SYT1: variants seen among roughly 807,000 people sequenced by gnomAD.
SYT1 encodes the protein synaptotagmin-1.
In SYT1, 8 loss-of-function variants were observed where a neutral mutation model predicts 44.8. The observed-to-expected ratio is 0.18, with a 90% CI of 0.10 to 0.32. The LOEUF (loss-of-function observed/expected upper bound fraction) is 0.32. Among genes scored for constraint, SYT1 ranks in the 10% least tolerant of loss-of-function variants. The probability of loss-of-function intolerance (pLI) is 1.00; values close to 1 mark genes in which losing one functional copy is unlikely to be tolerated. For synonymous variants in SYT1, 154 were observed against 188.8 expected, an observed-to-expected ratio of 0.82 and a Z score of 1.51; for missense variants, 286 against 509.3, an observed-to-expected ratio of 0.56 and a Z score of 4.22.
At chr12:79,050,740 A>C (rs895844373) in intron 3 of SYT1, among the ~76,000 whole-genome samples, 2 of 152,110 alleles carry the variant, frequency 1.3e-5, no homozygotes, top group Non-Finnish European at 2.9e-5. Context: ...GATTTTAACC[A>C]ATAAAACATC....
intron 9 of SYT1, among the ~76,000 whole-genome samples, chr12:79,428,070 A>C (rs1057313947): frequency 2.6e-5 from 4 of 152,144 alleles, no homozygotes; most frequent in Non-Finnish European, 4.4e-5. Context: ...TGGAGTGATA[A>C]CTTTTAGTCT....
At chr12:79,404,841 G>A (rs943883957) in intron 9 of SYT1, among the ~76,000 whole-genome samples, 13 of 152,156 alleles carry the variant, frequency 8.5e-5, no homozygotes, top group African/African-American at 3.1e-4. Flanking sequence ...TTGTCAAGGA[G>A]CATATTTGAC....
intron 3 of SYT1, among the ~76,000 whole-genome samples, chr12:79,118,494 ACTGT>A (rs1879421177): frequency 6.6e-6 from 1 of 152,204 alleles, no homozygotes; most frequent in African/African-American, 2.4e-5. Context: ...CTAATGGTAG[ACTGT>A]CTTTTTCTGC....
chr12:79,053,940 A>G (rs999879547), intron 3 of SYT1, among the ~76,000 whole-genome samples: 2 of 152,100 alleles, frequency 1.3e-5, no homozygotes, highest in Non-Finnish European at 2.9e-5. Flanking sequence ...GTTCCCACAC[A>G]TAAGCCTAAG....
intron 3 of SYT1, among the ~76,000 whole-genome samples, chr12:79,154,658 G>T (rs117658432): frequency 0.012 from 1,885 of 152,232 alleles, 25 homozygotes; most frequent in Middle Eastern, 0.065. Flanking sequence ...TGGTGTTGGG[G>T]CATGTGATAA....
chr12:78,968,104 T>C (rs1423171602), intron 1 of SYT1, among the ~76,000 whole-genome samples: 2 of 152,146 alleles, frequency 1.3e-5, no homozygotes, highest in Admixed American at 1.3e-4. Context: ...TATGAAAATT[T>C]AATTGTAAAT....
chr12:79,077,300 T>TA (rs1876725344), intron 3 of SYT1, among the ~76,000 whole-genome samples: 1 of 152,182 alleles, frequency 6.6e-6, no homozygotes, highest in African/African-American at 2.4e-5. Flanking sequence ...ATATTAAACA[T>TA]ACTGCTTATT....
intron 1 of SYT1, among the ~76,000 whole-genome samples, chr12:78,920,020 G>T (rs1224697403): frequency 1.5e-5 from 1 of 66,638 alleles, no homozygotes; most frequent in Non-Finnish European, 3.0e-5. Flanking sequence ...GTATCATTGG[G>T]CTATTTTTTT....
chr12:79,091,943 C>A (rs1877806483), intron 3 of SYT1, among the ~76,000 whole-genome samples: 1 of 151,966 alleles, frequency 6.6e-6, no homozygotes, highest in Non-Finnish European at 1.5e-5. Flanking sequence ...CATATAAGCT[C>A]ATTTTCAATT....
chr12:79,384,987 A>ATTTTTT (rs3067387), intron 9 of SYT1, among the ~76,000 whole-genome samples: 5 of 129,920 alleles, frequency 3.8e-5, no homozygotes, highest in Non-Finnish European at 4.8e-5. Flanking sequence ...GGACCACTGG[A>ATTTTTT]TTTTTTTTTT....
At chr12:79,219,467 T>C (rs535976719) in intron 4 of SYT1, among the ~76,000 whole-genome samples, 7 of 152,106 alleles carry the variant, frequency 4.6e-5, no homozygotes, top group African/African-American at 1.2e-4. Flanking sequence ...TTATTCTAGA[T>C]TCATAATTTT....
chr12:78,869,232 T>C (rs1439980835), intron 1 of SYT1, among the ~76,000 whole-genome samples: 1 of 151,968 alleles, frequency 6.6e-6, no homozygotes, highest in Admixed American at 6.6e-5. Context: ...ATAACCAGCA[T>C]TTTTCTTTCA....
chr12:79,131,159 GT>G (rs1868792171), intron 3 of SYT1, among the ~76,000 whole-genome samples: 1 of 148,060 alleles, frequency 6.8e-6, no homozygotes, highest in Non-Finnish European at 1.5e-5. Context: ...TATACTTTAA[GT>G]TCTGGGATAC....
intron 3 of SYT1, among the ~76,000 whole-genome samples, chr12:79,066,208 A>C (rs1289470261): frequency 2.6e-5 from 4 of 152,144 alleles, no homozygotes; most frequent in African/African-American, 7.2e-5. Flanking sequence ...TTATGCTCCC[A>C]ATTTAATTAG....
intron 2 of SYT1, among the ~76,000 whole-genome samples, chr12:79,045,216 C>T (rs981057360): frequency 2.6e-5 from 4 of 152,214 alleles, no homozygotes; most frequent in Admixed American, 2.6e-4. Context: ...GCCCCTCCCC[C>T]AGCCTGGCTG....
At chr12:79,149,921 C>T (rs1870162231) in intron 3 of SYT1, among the ~76,000 whole-genome samples, 2 of 152,170 alleles carry the variant, frequency 1.3e-5, no homozygotes, top group African/African-American at 4.8e-5. Context: ...CTGACTTATA[C>T]ATACTCACTG....
intron 2 of SYT1, among the ~76,000 whole-genome samples, chr12:79,012,036 G>A (rs991980834): frequency 6.6e-6 from 1 of 151,454 alleles, no homozygotes; most frequent in African/African-American, 2.4e-5. Flanking sequence ...GGAGGCTGAG[G>A]CAGGAGAATT....
At chr12:79,082,239 G>C (rs1877084494) in intron 3 of SYT1, among the ~76,000 whole-genome samples, 1 of 151,946 alleles carries the variant, frequency 6.6e-6, no homozygotes. Flanking sequence ...AATGTTTGTG[G>C]GTTGGTGTCC....
intron 8 of SYT1, among the ~76,000 whole-genome samples, chr12:79,343,832 A>C (rs1294813883): frequency 6.6e-6 from 1 of 152,212 alleles, no homozygotes; most frequent in Non-Finnish European, 1.5e-5. Flanking sequence ...TTGTCTTCTC[A>C]TACTCCAATG....
Sources: gnomAD v4.1 joint callset for allele counts (sites outside exome capture counted in the v4.1 genomes callset) on GRCh38, gnomAD v4.1.1 for gene constraint, MANE v1.5 for transcripts, NCBI Gene and HGNC (gene_info 2026-07-23, HGNC 2026-07-21) for gene names.